Variants in SNTG1 observed in about 807,000 individuals in gnomAD.
SNTG1 encodes the protein syntrophin gamma 1.
Under a neutral mutation model 74.7 loss-of-function variants are expected in SNTG1, and 39 were observed. The observed-to-expected ratio is 0.52, with a 90% confidence interval of 0.40 to 0.68. The LOEUF is 0.68. Ranked by LOEUF, SNTG1 falls within the 30% of genes least tolerant of loss-of-function variation. The pLI, the probability that SNTG1 is intolerant of heterozygous loss-of-function variation, is 0.00. For missense variants in SNTG1, 685 were observed against 609.5 expected (o/e 1.12, Z -1.30); for synonymous variants, 254 against 217.1 (o/e 1.17, Z -1.49).
intron 12 of SNTG1, among the ~76,000 whole-genome samples, chr8:50,586,943 G>C (rs1277221701): frequency 6.6e-6 from 1 of 151,752 alleles, no homozygotes; most frequent in Non-Finnish European, 1.5e-5. Flanking sequence ...AGCAAAGGAA[G>C]CATTCATGTA....
chr8:50,548,532 TCTTA>T (rs1433425113), intron 11 of SNTG1, among the ~76,000 whole-genome samples: 1 of 152,156 alleles, frequency 6.6e-6, no homozygotes, highest in Non-Finnish European at 1.5e-5. Context: ...TGTTTTTGTT[TCTTA>T]CTTACAGATT....
chr8:50,732,055 A>G (rs887694333), intron 17 of SNTG1, among the ~76,000 whole-genome samples: 15 of 151,984 alleles, frequency 9.9e-5, no homozygotes, highest in Admixed American at 3.3e-4. Flanking sequence ...CTGATAGCCA[A>G]GGATTCATGC....
chr8:50,319,191 T>C (rs1326089081), intron 2 of SNTG1, among the ~76,000 whole-genome samples: 1 of 152,086 alleles, frequency 6.6e-6, no homozygotes, highest in East Asian at 1.9e-4. Flanking sequence ...ATAGTAGAAA[T>C]ACATACTTAC....
intron 17 of SNTG1, among the ~76,000 whole-genome samples, chr8:50,713,740 C>A (rs2095468224): frequency 6.6e-6 from 1 of 152,086 alleles, no homozygotes; most frequent in Non-Finnish European, 1.5e-5. Context: ...ATATGGCTAG[C>A]CAGTTTTCCC....
At chr8:50,278,770 C>G (rs553058892) in intron 2 of SNTG1, among the ~76,000 whole-genome samples, 22 of 151,964 alleles carry the variant, frequency 1.4e-4, no homozygotes, top group African/African-American at 5.1e-4. Context: ...TCTAAAGAAA[C>G]AAACATCAGA....
chr8:50,227,033 C>G (rs1357520604), intron 2 of SNTG1, among the ~76,000 whole-genome samples: 1 of 152,072 alleles, frequency 6.6e-6, no homozygotes, highest in Non-Finnish European at 1.5e-5. Flanking sequence ...TGTTGTTACT[C>G]TAGTTTTTAC....
intron 2 of SNTG1, among the ~76,000 whole-genome samples, chr8:50,350,915 C>T (rs961257251): frequency 3.9e-5 from 6 of 152,212 alleles, no homozygotes; most frequent in African/African-American, 1.4e-4. Context: ...CCGCCCAAAC[C>T]AGCAGTGGCA....
chr8:50,036,025 T>A (rs1011053558), intron 1 of SNTG1, among the ~76,000 whole-genome samples: 3 of 152,014 alleles, frequency 2.0e-5, no homozygotes, highest in African/African-American at 4.8e-5. Flanking sequence ...TAAAAAAAAA[T>A]TGGTCTCTTT....
At chr8:50,783,204 G>T (rs2131840577) in intron 18 of SNTG1, among the ~76,000 whole-genome samples, 1 of 152,298 alleles carries the variant, frequency 6.6e-6, no homozygotes. Flanking sequence ...TGCCTGCTTG[G>T]AGAACCACTG....
At chr8:50,469,316 G>C (rs1003325158) in intron 8 of SNTG1, among the ~76,000 whole-genome samples, 1 of 151,642 alleles carries the variant, frequency 6.6e-6, no homozygotes, top group African/African-American at 2.4e-5. Flanking sequence ...TTCTCCTCTT[G>C]TTTTCTTGGG....
At chr8:49,942,533 T>C (rs1393949494) in intron 1 of SNTG1, among the ~76,000 whole-genome samples, 1 of 152,202 alleles carries the variant, frequency 6.6e-6, no homozygotes, top group Non-Finnish European at 1.5e-5. Flanking sequence ...CTGCTGTTCT[T>C]TTTTCTGCTT....
chr8:50,399,168 ACTGTTTTCTC>A (rs2131337408), intron 3 of SNTG1, among the ~76,000 whole-genome samples: 1 of 152,084 alleles, frequency 6.6e-6, no homozygotes, highest in African/African-American at 2.4e-5. Context: ...CACTTCGTGT[ACTGTTTTCTC>A]CAGCAGCTAT....
chr8:50,367,581 ACTTT>A (rs2092150339), intron 2 of SNTG1, among the ~76,000 whole-genome samples: 2 of 152,162 alleles, frequency 1.3e-5, no homozygotes, highest in South Asian at 2.1e-4. Context: ...AAATGTACTT[ACTTT>A]AACAACTGAT....
intron 17 of SNTG1, among the ~76,000 whole-genome samples, chr8:50,724,355 T>C (rs554658241): frequency 9.4e-4 from 143 of 152,292 alleles, no homozygotes; most frequent in African/African-American, 3.3e-3. Flanking sequence ...GAGTTCCGTA[T>C]AGTTTTAGTT....
At chr8:50,626,249 A>C (rs78223418) in intron 13 of SNTG1, among the ~76,000 whole-genome samples, 2,206 of 152,302 alleles carry the variant, frequency 0.014, 53 homozygotes, top group African/African-American at 0.051. Flanking sequence ...GGATGATGAG[A>C]ATATTTGTTG....
chr8:49,962,314 C>T (rs191765758), intron 1 of SNTG1, among the ~76,000 whole-genome samples: 20 of 150,700 alleles, frequency 1.3e-4, no homozygotes, highest in African/African-American at 4.4e-4. Flanking sequence ...TTTTGGGGGG[C>T]GGGTGATATC....
intron 1 of SNTG1, among the ~76,000 whole-genome samples, chr8:49,969,396 T>C (rs922982312): frequency 1.5e-5 from 2 of 134,036 alleles, no homozygotes; most frequent in Non-Finnish European, 1.6e-5. Context: ...TCTTTTTTTT[T>C]TTTTTTTTTT....
chr8:50,775,719 T>C (rs1460396331), intron 18 of SNTG1, among the ~76,000 whole-genome samples: 1 of 151,744 alleles, frequency 6.6e-6, no homozygotes, highest in Non-Finnish European at 1.5e-5. Context: ...TGTTGAAGTC[T>C]TCAATGTAAT....
At chr8:50,425,021 G>GT (rs763655450) in intron 4 of SNTG1, among the ~76,000 whole-genome samples, 15 of 152,142 alleles carry the variant, frequency 9.9e-5, no homozygotes, top group Admixed American at 1.3e-4. Context: ...GAAATCAATA[G>GT]TTTTTTTCCA....
Sources: allele counts gnomAD v4.1 joint callset (sites outside exome capture counted in the v4.1 genomes callset), GRCh38; gene constraint gnomAD v4.1.1; transcripts MANE v1.5; gene names NCBI Gene and HGNC (gene_info 2026-07-23, HGNC 2026-07-21).